Variants in CDYL observed in about 807,000 individuals in gnomAD.
CDYL encodes chromodomain Y-like protein.
CDYL carries 8 observed loss-of-function variants against 47.3 expected under a neutral mutation model. The observed-to-expected ratio is 0.17, with a 90% CI of 0.10 to 0.31. The LOEUF (loss-of-function observed/expected upper bound fraction) is 0.31. Ranked by LOEUF, CDYL falls within the 10% of genes least tolerant of loss-of-function variation. CDYL has a pLI of 1.00. For synonymous variants in CDYL, 266 were observed against 265.0 expected (o/e 1.00, Z -0.04); for missense variants, 471 against 701.4 (o/e 0.67, Z 3.71).
At chr6:4,809,667 C>T (rs969886620) in intron 1 of CDYL, among the ~76,000 whole-genome samples, 5 of 149,962 alleles carry the variant, frequency 3.3e-5, no homozygotes, top group African/African-American at 1.2e-4. Flanking sequence ...TATATTAGTC[C>T]TTGGCGATAT....
intron 1 of CDYL, among the ~76,000 whole-genome samples, chr6:4,777,386 C>G (rs1045261427): frequency 6.6e-6 from 1 of 152,200 alleles, no homozygotes; most frequent in Non-Finnish European, 1.5e-5. Flanking sequence ...CGCTGATACA[C>G]CGTCATTCAT....
chr6:4,908,333 C>T (rs62384664), intron 2 of CDYL, among the ~76,000 whole-genome samples: 5 of 152,070 alleles, frequency 3.3e-5, no homozygotes, highest in East Asian at 3.9e-4. Flanking sequence ...TCAGAGGGTG[C>T]GAGCACAGGA....
intron 1 of CDYL, among the ~76,000 whole-genome samples, chr6:4,822,976 C>T (rs1759882268): frequency 6.6e-6 from 1 of 152,096 alleles, no homozygotes; most frequent in Admixed American, 6.6e-5. Context: ...TGAAGCCTGC[C>T]CAATTCCTTC....
At chr6:4,826,430 G>A (rs4394277) in intron 1 of CDYL, among the ~76,000 whole-genome samples, 1 of 151,858 alleles carries the variant, frequency 6.6e-6, no homozygotes, top group African/African-American at 2.4e-5. Flanking sequence ...AGCTCCTTAA[G>A]GTGTAAAGTT....
intron 1 of CDYL, among the ~76,000 whole-genome samples, chr6:4,777,135 C>A (rs1238855071): frequency 8.8e-6 from 1 of 114,168 alleles, no homozygotes; most frequent in Non-Finnish European, 1.7e-5. Flanking sequence ...CGTTGCCGCT[C>A]GGCGGGGACC....
intron 3 of CDYL, among the ~76,000 whole-genome samples, chr6:4,754,745 G>C (rs962122861): frequency 6.6e-6 from 1 of 152,030 alleles, no homozygotes; most frequent in Non-Finnish European, 1.5e-5. Flanking sequence ...ATTAATATTT[G>C]ATTACTATAA....
chr6:4,822,398 A>G (rs927159844), intron 1 of CDYL, among the ~76,000 whole-genome samples: 3 of 142,402 alleles, frequency 2.1e-5, no homozygotes, highest in African/African-American at 9.3e-5. Flanking sequence ...AGCATTAACA[A>G]AGCTACAAAT....
chr6:4,901,372 G>T (rs1025309677), intron 2 of CDYL, among the ~76,000 whole-genome samples: 2 of 152,094 alleles, frequency 1.3e-5, no homozygotes, highest in African/African-American at 2.4e-5. Flanking sequence ...CTGCAGTCAG[G>T]TACTGGCCTT....
chr6:4,920,909 C>T (rs754136416), intron 2 of CDYL, among the ~76,000 whole-genome samples: 2 of 152,196 alleles, frequency 1.3e-5, no homozygotes, highest in Non-Finnish European at 2.9e-5. Flanking sequence ...AGCCACTGCA[C>T]CCAGCCAAAT....
At chr6:4,836,887 T>C (rs1760331211) in intron 1 of CDYL, among the ~76,000 whole-genome samples, 1 of 152,070 alleles carries the variant, frequency 6.6e-6, no homozygotes, top group Admixed American at 6.6e-5. Flanking sequence ...GATACAGAAG[T>C]TTGATGGAAC....
At chr6:4,809,575 G>A (rs181772721) in intron 1 of CDYL, among the ~76,000 whole-genome samples, 2 of 146,676 alleles carry the variant, frequency 1.4e-5, no homozygotes, top group East Asian at 2.0e-4. Context: ...TATAGTAGGG[G>A]TATTATATTA....
intron 1 of CDYL, among the ~76,000 whole-genome samples, chr6:4,873,623 A>G (rs809471): frequency 0.094 from 14,253 of 152,202 alleles, 2,213 homozygotes; most frequent in African/African-American, 0.33. Flanking sequence ...TGGTTAGAAC[A>G]TTAACTTACA....
intron 2 of CDYL, among the ~76,000 whole-genome samples, chr6:4,933,544 G>T (rs1383202157): frequency 6.6e-6 from 1 of 152,234 alleles, no homozygotes; most frequent in African/African-American, 2.4e-5. Flanking sequence ...GGCAGGTGAG[G>T]CCGTGATGGG....
chr6:4,822,534 T>C (rs1421890317), intron 1 of CDYL, among the ~76,000 whole-genome samples: 1 of 152,200 alleles, frequency 6.6e-6, no homozygotes, highest in Non-Finnish European at 1.5e-5. Context: ...TTTTCTTTAT[T>C]TTGGTTGAAT....
At chr6:4,877,140 A>G (rs2127476024) in intron 1 of CDYL, among the ~76,000 whole-genome samples, 1 of 152,364 alleles carries the variant, frequency 6.6e-6, no homozygotes, top group East Asian at 1.9e-4. Flanking sequence ...TGAATTACCC[A>G]GTCTGAGGTA....
intron 2 of CDYL, among the ~76,000 whole-genome samples, chr6:4,920,576 A>C (rs1757682471): frequency 6.6e-6 from 1 of 152,186 alleles, no homozygotes; most frequent in Non-Finnish European, 1.5e-5. Flanking sequence ...TAAAAGCAGG[A>C]GTGGTTAAAG....
intron 3 of CDYL, among the ~76,000 whole-genome samples, chr6:4,747,693 A>C (rs1011348726): frequency 6.6e-6 from 1 of 152,178 alleles, no homozygotes; most frequent in Non-Finnish European, 1.5e-5. Flanking sequence ...ACACAGACAA[A>C]AGGGAACTAG....
intron 1 of CDYL, among the ~76,000 whole-genome samples, chr6:4,867,636 T>C (rs915025482): frequency 1.3e-5 from 2 of 152,152 alleles, no homozygotes; most frequent in African/African-American, 4.8e-5. Flanking sequence ...GATTCTCTGA[T>C]GTGAAACCAA....
intron 1 of CDYL, among the ~76,000 whole-genome samples, chr6:4,815,517 G>A (rs1759646797): frequency 2.0e-5 from 3 of 152,206 alleles, no homozygotes; most frequent in African/African-American, 7.2e-5. Context: ...TAAAAAATCT[G>A]TATAACCAGA....
Sources: gnomAD v4.1 joint callset for allele counts (sites outside exome capture counted in the v4.1 genomes callset) on GRCh38, gnomAD v4.1.1 for gene constraint, MANE v1.5 for transcripts, NCBI Gene and HGNC (gene_info 2026-07-23, HGNC 2026-07-21) for gene names.